The following VCAN variants were observed in gnomAD, a reference collection of about 807,000 sequenced individuals.
VCAN encodes versican.
A neutral mutation model predicts 245.5 loss-of-function variants in VCAN; 44 were observed. The ratio of observed to expected loss-of-function variants is 0.18; its 90% CI spans 0.14 to 0.23. VCAN has a LOEUF of 0.23. Ranked by LOEUF, VCAN falls within the 10% of genes least tolerant of loss-of-function variation. The probability of loss-of-function intolerance (pLI) is 1.00; values close to 1 mark genes in which losing one functional copy is unlikely to be tolerated. For missense variants in VCAN, 3,793 were observed against 4,057.9 expected (o/e 0.93, Z 1.77); for synonymous variants, 1,413 against 1,437.0 (o/e 0.98, Z 0.38).
intron 13 of VCAN, among the ~76,000 whole-genome samples, chr5:83,574,688 G>A (rs2112502908): frequency 6.6e-6 from 1 of 152,168 alleles, no homozygotes; most frequent in East Asian, 1.9e-4. Context: ...CAACTGCCTG[G>A]TCTCTGTAGG....
In VCAN at chr5:83,533,007, T is replaced by G. The variant is rs1013132907; in HGVS notation, c.4004-4000T>G. On this transcript the variant is annotated intron_variant, in intron 7 of 14. Transcript: ENST00000265077. ...CAAAAAGATGGTATATATGTTAATC[T>G]GCTTCCTTTTACCATCTATATGCAT... 2.9e-4 allele frequency among the ~76,000 whole-genome samples: 44 copies of G among 152,156 alleles called. 1 individual carries two copies. Among genetic ancestry groups the G allele is most frequent in the African/African-American group, 1.0e-3 (43 of 41,442 alleles).
rs4339334 is a variant in VCAN at position 83,489,922 on chromosome 5, G to T, written c.71-176G>T. Among the ~76,000 whole-genome samples the T allele has an allele frequency of 0.39, 59,119 of 151,600 alleles. 11,815 individuals are homozygous for T. Among genetic ancestry groups the T allele is most frequent in the African/African-American group, 0.47 (19,515 of 41,326 alleles). On this transcript the variant is annotated intron_variant, in intron 2 of 14. Coordinates refer to ENST00000265077, the MANE Select transcript of VCAN (RefSeq NM_004385.5). ...GAAATGAGCATTATTAATCCCTGTT[G>T]TTGTAAAACATCATTGAAATTGTAT...
chr5:83,498,385 A>C (rs1473432847), intron 5 of VCAN, among the ~76,000 whole-genome samples: 4 of 152,216 alleles, frequency 2.6e-5, no homozygotes, highest in African/African-American at 9.6e-5. Context: ...AGCATATAGT[A>C]GGTGCTCCAT....
rs538636339 is a variant in VCAN at position 83,479,916 on chromosome 5, G to A, written c.-6-3597G>A. 6.6e-5 allele frequency among the ~76,000 whole-genome samples: 10 copies of A among 152,290 alleles called. No individual in the cohort carries two copies. The South Asian group carries it at 2.1e-3, about 32-fold the overall frequency. On this transcript the variant is annotated intron_variant, in intron 1 of 14. Transcript: ENST00000265077. ...AGGTTTGCAAACTTAGGTGACTACA[G>A]GGGCGAGGCATGGAGTGGAAATGGG...
rs780109742 is a variant in VCAN at position 83,542,101 on chromosome 5, T to C, written c.9098T>C (p.Val3033Ala). 1.2e-6 allele frequency: 2 copies of C among 1,614,058 alleles called. No homozygotes were observed. The highest frequency in any genetic ancestry group is 1.7e-6 in the Non-Finnish European group (2 of 1,179,964). ...DSTIAASEQQVAARILDSNDQ... is the reference protein window; with the variant it reads ...DSTIAASEQQAAARILDSNDQ... ...ACGATAGCAGCATCAGAACAGCAAG[T>C]GGCAGCGAGAATTCTTGATTCCAAT... is the stretch of plus-strand genomic sequence containing the variant. The change falls in exon 8 of 15, where the codon GTG (valine) becomes GCG (alanine). Residue 3033 changes from valine to alanine, a missense_variant. Transcript: ENST00000265077.
At chr5:83,566,440 A>G (rs1186697827) in intron 12 of VCAN, among the ~76,000 whole-genome samples, 2 of 152,164 alleles carry the variant, frequency 1.3e-5, no homozygotes, top group Non-Finnish European at 2.9e-5. Context: ...GTTTTAAATG[A>G]TAAAAGATAT....
chr5:83,473,868 C>CATCTAGGAGTTT (rs1190491820), intron 1 of VCAN, among the ~76,000 whole-genome samples: 1 of 152,182 alleles, frequency 6.6e-6, no homozygotes, highest in Non-Finnish European at 1.5e-5. Flanking sequence ...CTGCGGCGTA[C>CATCTAGGAGTTT]ATCTAGGAGT....
At chr5:83,500,017 A>G (rs902112645) in intron 5 of VCAN, among the ~76,000 whole-genome samples, 6 of 152,190 alleles carry the variant, frequency 3.9e-5, no homozygotes, top group African/African-American at 1.4e-4. Context: ...CAGATATCGC[A>G]TCTGGAGATT....
At chr5:83,554,894 A>C in intron 11 of VCAN, 62 bp from the exon 12 acceptor site, 2 of 1,466,848 alleles carry the variant, frequency 1.4e-6, no homozygotes, top group Non-Finnish European at 1.9e-6. Flanking sequence ...ATTTTCTTTG[A>C]TATATTTTCA....
intron 7 of VCAN, chr5:83,531,232 G>A (rs1746507875): frequency 6.6e-6 from 1 of 152,146 alleles, no homozygotes; most frequent in East Asian, 1.9e-4. Context: ...GATATACGGT[G>A]TCACTGTGGT....
intron 5 of VCAN, among the ~76,000 whole-genome samples, chr5:83,510,236 A>T (rs2112387573): frequency 6.6e-6 from 1 of 152,324 alleles, no homozygotes; most frequent in Admixed American, 6.5e-5. Context: ...CTCTCATTGA[A>T]ATTTGGCCTA....
intron 13 of VCAN, among the ~76,000 whole-genome samples, chr5:83,579,380 A>C (rs113629514): frequency 7.1e-4 from 108 of 151,966 alleles, no homozygotes; most frequent in African/African-American, 2.6e-3. Context: ...TCTCCTGCCT[A>C]AGCCTCCCGA....
At position 83,539,673 on chromosome 5, in the gene VCAN, G is replaced by T. The variant is rs765388972; in HGVS notation, c.6670G>T (p.Asp2224Tyr). ...ESIPAEHVVT[D>Y]SPIKKEESTK... The stretch of plus-strand genomic sequence containing the variant: ...TATACCAGCTGAACATGTAGTCACA[G>T]ATTCACCAATCAAAAAGGAAGAAAG... The change falls in exon 8 of 15, where the codon GAT (aspartate) becomes TAT (tyrosine). Residue 2224 changes from aspartate (D) to tyrosine (Y), a missense_variant. Physicochemically the swap from Asp to Tyr is radical, Grantham distance 160 (BLOSUM62 -3). Coordinates refer to ENST00000265077, the MANE Select transcript of VCAN (RefSeq NM_004385.5). 24 of 1,613,824 alleles carry T rather than the reference G, an allele frequency of 1.5e-5. No individual in the cohort carries two copies. The South Asian group carries it at 2.5e-4, about 17-fold the overall frequency.
chr5:83,522,138 G>A lies in VCAN; in HGVS notation c.3832G>A (p.Glu1278Lys). 2 of 1,613,322 alleles carry A rather than the reference G, an allele frequency of 1.2e-6. No homozygotes were observed. Among genetic ancestry groups the A allele is most frequent in the Non-Finnish European group, 1.7e-6 (2 of 1,180,020 alleles). The change falls in exon 7 of 15, where the codon GAG becomes AAG. Residue 1278 changes from glutamate to lysine, a missense_variant. This residue lies in a region of VCAN where 3,182 missense variants were observed against 3,250.3 expected (regional missense o/e 0.98). Transcript: ENST00000265077. ...AKETETDIDR[E>K]YFTTSSPPAT... ...GGAAACAGAAACCGATATTGATAGA[G>A]AGTATTTCACGACTTCAAGTCCTCC... is the stretch of plus-strand genomic sequence containing the variant.
intron 12 of VCAN, among the ~76,000 whole-genome samples, chr5:83,566,461 C>G (rs1748081961): frequency 6.6e-6 from 1 of 152,002 alleles, no homozygotes. Flanking sequence ...CTCTGAATGA[C>G]AGTTGGGATT....
chr5:83,484,555 T>C (rs201439485), intron 2 of VCAN, among the ~76,000 whole-genome samples: 1 of 144,202 alleles, frequency 6.9e-6, no homozygotes, highest in Non-Finnish European at 1.5e-5. Context: ...ATCCATCCAT[T>C]CATCCATCCA....
intron 13 of VCAN, among the ~76,000 whole-genome samples, chr5:83,575,227 T>A (rs1321748013): frequency 6.6e-6 from 1 of 152,198 alleles, no homozygotes; most frequent in African/African-American, 2.4e-5. Context: ...CCGAGTCTCA[T>A]ATGAAAGTCA....
chr5:83,495,408 G>A (rs894902151), intron 5 of VCAN, among the ~76,000 whole-genome samples: 2 of 152,176 alleles, frequency 1.3e-5, no homozygotes, highest in African/African-American at 4.8e-5. Flanking sequence ...ACTGAAGATT[G>A]CCAGATGTAT....
intron 7 of VCAN, among the ~76,000 whole-genome samples, chr5:83,529,315 A>G (rs1397864107): frequency 2.0e-5 from 3 of 147,602 alleles, no homozygotes; most frequent in African/African-American, 2.5e-5. Context: ...TGATTTGACC[A>G]AACATGGATA....
Sources: gnomAD v4.1 joint callset for allele counts (sites outside exome capture counted in the v4.1 genomes callset) on GRCh38, gnomAD v4.1.1 for gene constraint, gnomAD v4.1.1 regional missense constraint, MANE v1.5 for transcripts, NCBI Gene and HGNC (gene_info 2026-07-23, HGNC 2026-07-21) for gene names.